STXBP5L: variants seen among roughly 807,000 people sequenced by gnomAD.
The protein encoded by STXBP5L is syntaxin binding protein 5L.
Under a neutral mutation model 144.5 loss-of-function variants are expected in STXBP5L, and 65 were observed. That is an observed-to-expected ratio of 0.45 (90% CI 0.37 to 0.55). The LOEUF is 0.55. Among genes scored for constraint, STXBP5L ranks in the 20% least tolerant of loss-of-function variants. STXBP5L has a pLI of 0.00. For missense variants in STXBP5L, 1,298 were observed against 1,405.5 expected, an observed-to-expected ratio of 0.92 and a Z score of 1.22; for synonymous variants, 505 against 469.6, an observed-to-expected ratio of 1.08 and a Z score of -0.97.
intron 2 of STXBP5L, among the ~76,000 whole-genome samples, chr3:120,954,314 A>G (rs1937781629): frequency 1.3e-5 from 2 of 152,124 alleles, no homozygotes. Flanking sequence ...TGTAATCCAA[A>G]TTGCTATGAA....
chr3:121,126,679 T>C (rs1020381537), intron 7 of STXBP5L, among the ~76,000 whole-genome samples: 2 of 152,168 alleles, frequency 1.3e-5, no homozygotes, highest in African/African-American at 2.4e-5. Flanking sequence ...TAGTTTCCCA[T>C]TGTCAAAATA....
intron 5 of STXBP5L, among the ~76,000 whole-genome samples, chr3:121,114,253 G>A (rs2044135232): frequency 6.6e-6 from 1 of 152,108 alleles, no homozygotes; most frequent in African/African-American, 2.4e-5. Flanking sequence ...CCATTGTGAA[G>A]ATGAAAACAG....
intron 3 of STXBP5L, among the ~76,000 whole-genome samples, chr3:121,029,404 A>G (rs1946198681): frequency 6.6e-6 from 1 of 152,186 alleles, no homozygotes; most frequent in African/African-American, 2.4e-5. Flanking sequence ...GATCTTTGAC[A>G]AACCTGACAA....
chr3:120,966,033 T>G (rs1355188222), intron 3 of STXBP5L, among the ~76,000 whole-genome samples: 1 of 152,196 alleles, frequency 6.6e-6, no homozygotes, highest in Non-Finnish European at 1.5e-5. Flanking sequence ...TATTTTGATC[T>G]TCCATCACTG....
At chr3:121,270,586 A>G (rs1031697406) in intron 18 of STXBP5L, among the ~76,000 whole-genome samples, 23 of 151,682 alleles carry the variant, frequency 1.5e-4, no homozygotes, top group Non-Finnish European at 8.8e-5. Flanking sequence ...CTGAGTAGCT[A>G]GGATTACAGG....
At chr3:120,964,408 T>G (rs1939290637) in intron 3 of STXBP5L, among the ~76,000 whole-genome samples, 1 of 152,194 alleles carries the variant, frequency 6.6e-6, no homozygotes, top group Non-Finnish European at 1.5e-5. Context: ...CTTGTGGGCT[T>G]TTAGTGCTAT....
At chr3:121,373,511 A>C (rs1400445366) in intron 20 of STXBP5L, among the ~76,000 whole-genome samples, 1 of 152,192 alleles carries the variant, frequency 6.6e-6, no homozygotes, top group East Asian at 1.9e-4. Context: ...TGACTCCTGC[A>C]TCTCCAACAT....
At chr3:121,116,392 A>C (rs1056124323) in intron 6 of STXBP5L, among the ~76,000 whole-genome samples, 2 of 152,108 alleles carry the variant, frequency 1.3e-5, no homozygotes, top group Admixed American at 1.3e-4. Context: ...TACTCTTGTC[A>C]TGATACTCCT....
At chr3:120,908,726 G>A (rs1708664512) in intron 1 of STXBP5L, among the ~76,000 whole-genome samples, 2 of 151,920 alleles carry the variant, frequency 1.3e-5, no homozygotes, top group Admixed American at 6.5e-5. Flanking sequence ...CCCGAGAGCG[G>A]CTGCCGTGCA....
intron 3 of STXBP5L, among the ~76,000 whole-genome samples, chr3:121,008,264 TATA>T (rs1944501568): frequency 6.6e-6 from 1 of 151,980 alleles, no homozygotes; most frequent in African/African-American, 2.4e-5. Context: ...CAGTTCCCAG[TATA>T]ATAACTCATT....
At position 121,336,478 on chromosome 3, in the gene STXBP5L, C is replaced by G. The variant is rs1305269671; in HGVS notation, c.2176+17938C>G. ...TGCCACTGCACCCCAGCCTGGGCGT[C>G]AGCAAGACCCTGTCTCAAAAAAACC... is the stretch of plus-strand genomic sequence containing the variant. On this transcript the variant is annotated intron_variant, in intron 20 of 26. Transcript: ENST00000471454. 3.3e-5 allele frequency among the ~76,000 whole-genome samples: 5 copies of G among 152,108 alleles called. No individual in the cohort carries two copies. The East Asian group carries it at 7.7e-4, about 24-fold the overall frequency.
At chr3:121,247,373 G>A (rs2049888098) in intron 14 of STXBP5L, among the ~76,000 whole-genome samples, 1 of 152,050 alleles carries the variant, frequency 6.6e-6, no homozygotes, top group South Asian at 2.1e-4. Context: ...TTTTATTTTA[G>A]ATTCAGGGAT....
chr3:121,122,994 A>G (rs924309692), intron 7 of STXBP5L, among the ~76,000 whole-genome samples: 1 of 151,626 alleles, frequency 6.6e-6, no homozygotes, highest in Non-Finnish European at 1.5e-5. Flanking sequence ...ATCAGAAAAT[A>G]GCAATATAAA....
At chr3:120,997,471 A>T (rs1182579734) in intron 3 of STXBP5L, among the ~76,000 whole-genome samples, 1 of 152,258 alleles carries the variant, frequency 6.6e-6, no homozygotes, top group South Asian at 2.1e-4. Context: ...TTGACTTTTC[A>T]ATAGCCATTC....
rs183271801 is a variant in STXBP5L at position 121,279,733 on chromosome 3, A to G, written c.1959-72A>G. On this transcript the variant is annotated intron_variant, in intron 18 of 26. Coordinates refer to ENST00000471454, the MANE Select transcript of STXBP5L (RefSeq NM_001308330.2). ...TAAGACATTACTTTTCAATAATCCTATGATTGATTTGAAGATAAAAATAAT... is the reference window on the plus strand; with the variant it reads ...TAAGACATTACTTTTCAATAATCCTGTGATTGATTTGAAGATAAAAATAAT... 2.3e-4 allele frequency: 365 copies of G among 1,557,784 alleles called. 4 individuals carry two copies. In the East Asian group the frequency reaches 7.3e-3, roughly 31 times the overall value.
chr3:121,007,338 C>G (rs1310302943), intron 3 of STXBP5L, among the ~76,000 whole-genome samples: 1 of 151,778 alleles, frequency 6.6e-6, no homozygotes, highest in South Asian at 2.1e-4. Context: ...TTGTCTGTAG[C>G]TTTCTTTTAT....
intron 9 of STXBP5L, among the ~76,000 whole-genome samples, chr3:121,161,786 A>G (rs890985654): frequency 6.6e-6 from 1 of 152,194 alleles, no homozygotes; most frequent in Non-Finnish European, 1.5e-5. Flanking sequence ...ATATCTATAT[A>G]TATGACATTA....
chr3:121,194,126 A>C (rs566187599), intron 9 of STXBP5L, among the ~76,000 whole-genome samples: 1 of 152,238 alleles, frequency 6.6e-6, no homozygotes, highest in Admixed American at 6.5e-5. Context: ...TCACCAAATC[A>C]ATGTTACGAT....
In STXBP5L at chr3:121,007,023, G is replaced by A. The variant is rs926271126; in HGVS notation, c.288-34677G>A. 9.9e-5 allele frequency among the ~76,000 whole-genome samples: 15 copies of A among 152,124 alleles called. 1 individual carries two copies. Among genetic ancestry groups the A allele is most frequent in the Middle Eastern group, 3.4e-3 (1 of 292 alleles). ...CAACTTTGGTGAATCTGACAATTAT[G>A]TGTCTTGGAGTTGCTCTTCTTGAGG... On this transcript the variant is annotated intron_variant, in intron 3 of 26. Coordinates refer to ENST00000471454, the MANE Select transcript of STXBP5L (RefSeq NM_001308330.2).
Sources: allele counts gnomAD v4.1 joint callset (sites outside exome capture counted in the v4.1 genomes callset), GRCh38; gene constraint gnomAD v4.1.1; transcripts MANE v1.5; gene names NCBI Gene and HGNC (gene_info 2026-07-23, HGNC 2026-07-21).